EIF3J: variants seen among roughly 807,000 people sequenced by gnomAD.
The protein encoded by EIF3J is eukaryotic translation initiation factor 3 subunit J, also known as eukaryotic translation initiation factor 3, subunit 1 (alpha, 35kD).
A neutral mutation model predicts 39.0 loss-of-function variants in EIF3J; 15 were observed. The observed-to-expected ratio is 0.38, with a 90% CI of 0.26 to 0.59. The LOEUF is 0.59. EIF3J is among the 20% of genes least tolerant of loss of function. The pLI is 0.60. For synonymous variants in EIF3J, 98 were observed against 112.9 expected (o/e 0.87, Z 0.84); for missense variants, 226 against 308.6 (o/e 0.73, Z 2.00).
rs2082211912 is a variant in EIF3J at position 44,562,487 on chromosome 15, A to G, written c.*1338A>G. 2 of 152,708 alleles carry G rather than the reference A, an allele frequency of 1.3e-5. No individual in the cohort carries two copies. The highest frequency in any genetic ancestry group is 1.3e-4 in the Admixed American group (2 of 15,288). The allele number at this position is 152,708 out of a possible 1,614,324, so 9.5% of individuals were successfully genotyped here. A position where few individuals can be genotyped will look rare whatever the true frequency, so the allele number is the denominator to read the frequency against. ...TTATTCCCCTAAGACAGAAAGAACAAAAAATGTTTTAAATTTCTCTTATAT... is the reference window on the plus strand; with the variant it reads ...TTATTCCCCTAAGACAGAAAGAACAGAAAATGTTTTAAATTTCTCTTATAT... On this transcript the variant is annotated 3_prime_UTR_variant, in exon 8 of 8. Transcript: ENST00000261868.
At chr15:44,545,037 A>C (rs1029366159) in intron 2 of EIF3J, among the ~76,000 whole-genome samples, 1 of 151,908 alleles carries the variant, frequency 6.6e-6, no homozygotes, top group African/African-American at 2.4e-5. Context: ...GAACCACTAC[A>C]GGCAATTTAA....
intron 6 of EIF3J, among the ~76,000 whole-genome samples, chr15:44,559,419 AAAT>A (rs1342474899): frequency 5.4e-4 from 80 of 149,070 alleles, no homozygotes; most frequent in African/African-American, 1.9e-3. Flanking sequence ...TCAAAAAAAA[AAAT>A]AAAATAGGCC....
intron 4 of EIF3J, among the ~76,000 whole-genome samples, chr15:44,553,150 C>T (rs372471758): frequency 1.3e-5 from 2 of 150,996 alleles, no homozygotes; most frequent in African/African-American, 4.9e-5. Flanking sequence ...TGCGCCACTA[C>T]ACTCCAGCCT....
chr15:44,560,432 C>T (rs1243672974), intron 7 of EIF3J, 110 bp downstream of exon 7: 2 of 984,408 alleles, frequency 2.0e-6, no homozygotes, highest in Admixed American at 5.4e-5. Flanking sequence ...AAGCAACTCA[C>T]TAATACCATT....
intron 5 of EIF3J, 106 bp downstream of exon 5, chr15:44,554,773 T>C: frequency 1.7e-6 from 1 of 588,796 alleles, no homozygotes; most frequent in Non-Finnish European, 2.8e-6. Flanking sequence ...CTGGCTAATG[T>C]AGATATTAGA....
At chr15:44,543,563 G>A (rs971775551) in intron 2 of EIF3J, among the ~76,000 whole-genome samples, 5 of 151,848 alleles carry the variant, frequency 3.3e-5, no homozygotes, top group Admixed American at 6.6e-5. Flanking sequence ...ACAGGTGTGC[G>A]CCACCACACC....
intron 7 of EIF3J, 66 bp downstream of exon 7, chr15:44,560,388 C>T (rs1303206943): frequency 2.8e-6 from 4 of 1,435,494 alleles, no homozygotes; most frequent in Admixed American, 2.0e-5. Flanking sequence ...TAACAGTCAA[C>T]AAATATAATA....
chr15:44,560,189 C>T (rs1368885426), intron 6 of EIF3J, 60 bp from the exon 7 acceptor site: 1 of 1,426,036 alleles, frequency 7.0e-7, no homozygotes, highest in Non-Finnish European at 9.6e-7. Context: ...ACATATTTAG[C>T]TTTAACTTTT....
chr15:44,550,780 C>T, intron 2 of EIF3J, 96 bp from the exon 3 acceptor site: 1 of 868,656 alleles, frequency 1.2e-6, no homozygotes, highest in Non-Finnish European at 1.8e-6. Context: ...CAAAAAAATA[C>T]CAACAAACAT....
rs1456356266 is a variant in EIF3J at position 44,561,126 on chromosome 15, C to A, written c.754C>A (p.Gln252Lys). The A allele has an allele frequency of 6.2e-7, 1 of 1,612,644 alleles. No individual in the cohort carries two copies. Among genetic ancestry groups the A allele is most frequent in the East Asian group, 2.2e-5 (1 of 44,886 alleles). The change falls in exon 8 of 8, where the codon CAA (glutamine) becomes AAA (lysine). Residue 252 changes from glutamine (Q) to lysine (K), a missense_variant. Around this residue, in one of 2 missense-constraint regions of EIF3J, gnomAD observed 83 missense variants for 152.6 expected, o/e 0.54. Coordinates refer to ENST00000261868, the MANE Select transcript of EIF3J (RefSeq NM_003758.4). ...DYGGYDGGYV[Q>K]DYEDFM is the part of the protein sequence containing the mutation. ...TGGTGGTTATGATGGAGGATATGTA[C>A]AAGACTATGAAGACTTCATGTGACA...
intron 2 of EIF3J, among the ~76,000 whole-genome samples, chr15:44,538,517 A>T (rs1372185834): frequency 6.6e-6 from 1 of 152,206 alleles, no homozygotes; most frequent in African/African-American, 2.4e-5. Context: ...TAAGCTAGAT[A>T]ATCACTATGA....
intron 3 of EIF3J, 102 bp downstream of exon 3, chr15:44,551,032 G>T: frequency 2.0e-6 from 3 of 1,464,822 alleles, no homozygotes; most frequent in South Asian, 1.5e-5. Flanking sequence ...GGAACATTTT[G>T]GTATTTAGAA....
At position 44,548,464 on chromosome 15, in the gene EIF3J, C is replaced by T. The variant is rs535491132; in HGVS notation, c.148-2412C>T. Among the ~76,000 whole-genome samples the T allele has an allele frequency of 5.3e-5, 8 of 152,170 alleles. No individual in the cohort carries two copies. The South Asian group carries it at 1.7e-3, about 32-fold the overall frequency. ...AGTATGGTACCGTTATATGGAGAGA[C>T]AGTAGACTAGTGGGATAGGATCAAA... On this transcript the variant is annotated intron_variant, in intron 2 of 7. Transcript: ENST00000261868.
chr15:44,551,665 T>C (rs923899681), intron 4 of EIF3J, 143 bp downstream of exon 4: 4 of 627,510 alleles, frequency 6.4e-6, no homozygotes, highest in African/African-American at 5.7e-5. Flanking sequence ...CCAAAACAAA[T>C]TGATTTGTGG....
At chr15:44,553,111 A>G (rs1452852772) in intron 4 of EIF3J, among the ~76,000 whole-genome samples, 1 of 151,660 alleles carries the variant, frequency 6.6e-6, no homozygotes, top group African/African-American at 2.4e-5. Flanking sequence ...ACTTGAGCCC[A>G]GGAAGTTGAG....
At position 44,557,498 on chromosome 15, in the gene EIF3J, A is replaced by G; in HGVS notation, c.419A>G (p.Asn140Ser). Residue 140 changes from asparagine (N) to serine (S), a missense_variant, in exon 6 of 8, where the codon AAT (asparagine) becomes AGT (serine). Coordinates refer to ENST00000261868, the MANE Select transcript of EIF3J (RefSeq NM_003758.4). Reference protein sequence around the residue: ...ELAKETFGVNNAVYGIDAMNP... With the variant: ...ELAKETFGVNSAVYGIDAMNP... ...TTCTTTTCTCCTACAGGTGTTAATA[A>G]TGCAGTTTATGGAATAGATGCTATG... 6.6e-7 allele frequency: 1 copy of G among 1,525,106 alleles called. No individual in the cohort carries two copies. Among genetic ancestry groups the G allele is most frequent in the Non-Finnish European group, 8.7e-7 (1 of 1,142,984 alleles). 94.5% of individuals were successfully genotyped at this position (1,525,106 alleles called of 1,614,324 possible).
intron 5 of EIF3J, 68 bp downstream of exon 5, chr15:44,554,735 A>G: frequency 2.1e-6 from 2 of 969,158 alleles, no homozygotes; most frequent in Non-Finnish European, 3.1e-6. Flanking sequence ...AAGTTCAGAA[A>G]ACATCTCCTT....
rs1467077074 is a variant in EIF3J, at chr15:44,561,569, A to G, written c.*420A>G. On this transcript the variant is annotated 3_prime_UTR_variant, in exon 8 of 8. Coordinates refer to ENST00000261868, the MANE Select transcript of EIF3J (RefSeq NM_003758.4). ...AAGAAAAGCAGTTTGCAGCAAGGGC[A>G]TGTGGTGTGCACCTAGTATTAAAAT... 3 of 157,112 alleles carry G rather than the reference A, an allele frequency of 1.9e-5. No individual in the cohort carries two copies. The highest frequency in any genetic ancestry group is 7.2e-5 in the African/African-American group (3 of 41,530). The allele number at this position is 157,112 out of a possible 1,614,324, so 9.7% of individuals were successfully genotyped here.
intron 4 of EIF3J, among the ~76,000 whole-genome samples, chr15:44,552,213 A>AT (rs199757979): frequency 1.3e-3 from 196 of 151,704 alleles, no homozygotes; most frequent in African/African-American, 4.3e-3. Context: ...TTTGTTTTTG[A>AT]TTTTTTGGCA....
Sources: allele counts gnomAD v4.1 joint callset (sites outside exome capture counted in the v4.1 genomes callset), GRCh38; gene constraint gnomAD v4.1.1; regional missense constraint gnomAD v4.1.1; transcripts MANE v1.5; gene names NCBI Gene and HGNC (gene_info 2026-07-23, HGNC 2026-07-21).